The following C8A variants were observed in gnomAD, a reference collection of about 807,000 sequenced individuals.
The protein encoded by C8A is complement component C8 alpha chain.
In C8A, 67 loss-of-function variants were observed where a neutral mutation model predicts 65.3. The ratio of observed to expected loss-of-function variants is 1.03; its 90% confidence interval spans 0.84 to 1.26. C8A has a LOEUF of 1.26. Among genes scored for constraint, C8A ranks in the 50% most tolerant of loss-of-function variants. The probability of loss-of-function intolerance (pLI) is 0.00; values close to 1 mark genes in which losing one functional copy is unlikely to be tolerated. For missense variants in C8A, 781 were observed against 723.9 expected (o/e 1.08, Z -0.90); for synonymous variants, 290 against 259.4 (o/e 1.12, Z -1.13).
At chr1:56,884,663 T>A (rs935759452) in intron 6 of C8A, among the ~76,000 whole-genome samples, 1 of 152,196 alleles carries the variant, frequency 6.6e-6, no homozygotes, top group Non-Finnish European at 1.5e-5. Flanking sequence ...ACTTCCATCA[T>A]CACTTTGAAT....
chr1:56,910,640 C>A (rs925704060), intron 9 of C8A, among the ~76,000 whole-genome samples: 11 of 152,234 alleles, frequency 7.2e-5, no homozygotes, highest in Non-Finnish European at 7.3e-5. Context: ...GGACTGAATT[C>A]TCTGAACTTC....
At chr1:56,908,151 GA>G in intron 9 of C8A, 38 bp downstream of exon 9, 1 of 1,603,560 alleles carries the variant, frequency 6.2e-7, no homozygotes, top group Non-Finnish European at 8.5e-7. Context: ...CTACGTCCAT[GA>G]GGAATGAAAG....
intron 10 of C8A, among the ~76,000 whole-genome samples, chr1:56,913,312 G>A (rs1302047849): frequency 6.6e-6 from 1 of 152,164 alleles, no homozygotes; most frequent in African/African-American, 2.4e-5. Flanking sequence ...TATCTTTTGA[G>A]GAAACACAAT....
chr1:56,875,793 G>A (rs1474538078), intron 3 of C8A, among the ~76,000 whole-genome samples: 1 of 152,094 alleles, frequency 6.6e-6, no homozygotes, highest in African/African-American at 2.4e-5. Flanking sequence ...TACTGAGCAA[G>A]GGGATTACAT....
At chr1:56,899,878 C>T (rs1475079846) in intron 7 of C8A, among the ~76,000 whole-genome samples, 2 of 152,200 alleles carry the variant, frequency 1.3e-5, no homozygotes, top group Non-Finnish European at 2.9e-5. Flanking sequence ...CCCCATCTTA[C>T]AGATGGGAAA....
chr1:56,874,426 T>C (rs566074379), intron 2 of C8A, among the ~76,000 whole-genome samples: 1 of 152,336 alleles, frequency 6.6e-6, no homozygotes, highest in East Asian at 1.9e-4. Flanking sequence ...AGATGTCTTC[T>C]GAACGTGCCT....
intron 8 of C8A, among the ~76,000 whole-genome samples, chr1:56,907,433 T>C (rs1376292878): frequency 6.6e-6 from 1 of 152,190 alleles, no homozygotes; most frequent in Non-Finnish European, 1.5e-5. Context: ...TTGTTTCTTC[T>C]CTCTTTCTAT....
At chr1:56,868,926 T>C (rs1041210661) in intron 2 of C8A, among the ~76,000 whole-genome samples, 1 of 152,236 alleles carries the variant, frequency 6.6e-6, no homozygotes, top group Admixed American at 6.5e-5. Flanking sequence ...TCTAGAATTA[T>C]TGTGAGCAAT....
intron 9 of C8A, among the ~76,000 whole-genome samples, chr1:56,908,590 A>T (rs1192111331): frequency 1.3e-5 from 2 of 152,192 alleles, no homozygotes; most frequent in Non-Finnish European, 2.9e-5. Context: ...TATAAAAGTC[A>T]TTCCTGGCTC....
intron 7 of C8A, among the ~76,000 whole-genome samples, chr1:56,900,534 C>T (rs756553564): frequency 1.3e-5 from 2 of 152,278 alleles, no homozygotes; most frequent in South Asian, 2.1e-4. Flanking sequence ...CACCACAATT[C>T]CTGCTTTTTC....
At chr1:56,871,354 C>A (rs940250356) in intron 2 of C8A, among the ~76,000 whole-genome samples, 3 of 152,324 alleles carry the variant, frequency 2.0e-5, no homozygotes, top group Admixed American at 6.5e-5. Flanking sequence ...TCCCGCTGAA[C>A]CATCCAGGAG....
In C8A at chr1:56,854,820, C is replaced by T; in HGVS notation, c.-82C>T. The T allele has an allele frequency of 8.5e-7, 1 of 1,173,474 alleles. No homozygotes were observed. Among genetic ancestry groups the T allele is most frequent in the Non-Finnish European group, 1.3e-6 (1 of 797,052 alleles). 72.7% of individuals were successfully genotyped at this position (1,173,474 alleles called of 1,614,324 possible). On this transcript the variant is annotated 5_prime_UTR_variant, in exon 1 of 11. Transcript: ENST00000361249. ...TCAGATAGATCTTACAGGTCCCAGCCTGTAGACATCTTTTACTCCAATTTC... is the reference window on the plus strand; with the variant it reads ...TCAGATAGATCTTACAGGTCCCAGCTTGTAGACATCTTTTACTCCAATTTC...
chr1:56,901,017 T>C (rs544397075), intron 7 of C8A, among the ~76,000 whole-genome samples: 2 of 152,286 alleles, frequency 1.3e-5, no homozygotes, highest in South Asian at 4.1e-4. Context: ...AGGGACTTTC[T>C]AGCACCTGCA....
chr1:56,887,525 TC>T (rs1361397623), intron 7 of C8A, among the ~76,000 whole-genome samples: 2 of 152,236 alleles, frequency 1.3e-5, no homozygotes, highest in Non-Finnish European at 2.9e-5. Flanking sequence ...TCTGTTCATA[TC>T]CTTTGCTCAC....
At chr1:56,869,707 CTTTCAGGA>C (rs762767812) in intron 2 of C8A, among the ~76,000 whole-genome samples, 16 of 152,262 alleles carry the variant, frequency 1.1e-4, no homozygotes, top group Non-Finnish European at 1.9e-4. Flanking sequence ...TATGGCCATT[CTTTCAGGA>C]GTAAGGTGAT....
At chr1:56,900,646 T>TGAG (rs1644419733) in intron 7 of C8A, among the ~76,000 whole-genome samples, 2 of 151,526 alleles carry the variant, frequency 1.3e-5, no homozygotes, top group Non-Finnish European at 2.9e-5. Flanking sequence ...AAATATAGCA[T>TGAG]ATTAATCTAG....
rs781723718 is a variant in C8A, at chr1:56,883,552, A to G, written c.726A>G (p.Lys242=). Residue 242 remains lysine, a synonymous_variant, in exon 6 of 11, where the codon AAA becomes AAG. Coordinates refer to ENST00000361249, the MANE Select transcript of C8A (RefSeq NM_000562.3). ...NANDLLSKVK[K]DKSDSFGVTI... Reference sequence around the variant, plus strand: ...ATGACCTTCTTTCCAAAGTTAAAAAAGACAAGTCTGACTCATTTGGAGTGA... The same window carrying G: ...ATGACCTTCTTTCCAAAGTTAAAAAGGACAAGTCTGACTCATTTGGAGTGA... 26 of 1,614,058 alleles carry G rather than the reference A, an allele frequency of 1.6e-5. No individual in the cohort carries two copies. In the South Asian group the frequency reaches 2.7e-4, roughly 17 times the overall value.
chr1:56,873,713 G>A (rs747929988), intron 2 of C8A, among the ~76,000 whole-genome samples: 61 of 152,130 alleles, frequency 4.0e-4, no homozygotes, highest in Admixed American at 1.3e-3. Flanking sequence ...GGAAGGGCCC[G>A]TGGACTGAGC....
chr1:56,917,747 T>C lies in C8A; in HGVS notation c.*31T>C. ...TCTGGACACAGGCTGGACCAGATGCTGTGGATGTCGACCCCTGCACTGACT... is the reference window on the plus strand; with the variant it reads ...TCTGGACACAGGCTGGACCAGATGCCGTGGATGTCGACCCCTGCACTGACT... On this transcript the variant is annotated 3_prime_UTR_variant, in exon 11 of 11. Transcript: ENST00000361249. The C allele has an allele frequency of 1.2e-6, 2 of 1,613,030 alleles. No homozygotes were observed.
Sources: allele counts gnomAD v4.1 joint callset (sites outside exome capture counted in the v4.1 genomes callset), GRCh38; gene constraint gnomAD v4.1.1; transcripts MANE v1.5; gene names NCBI Gene and HGNC (gene_info 2026-07-23, HGNC 2026-07-21).